Variants in PRKCB observed in about 807,000 individuals in gnomAD.
The protein encoded by PRKCB is protein kinase C beta type.
PRKCB carries 13 observed loss-of-function variants against 81.5 expected under a neutral mutation model. The observed-to-expected ratio is 0.16, with a 90% CI of 0.10 to 0.25. The LOEUF is 0.25. Among genes scored for constraint, PRKCB ranks in the 10% least tolerant of loss-of-function variants. The pLI is 1.00. For synonymous variants in PRKCB, 335 were observed against 321.4 expected (o/e 1.04, Z -0.45); for missense variants, 509 against 875.7 (o/e 0.58, Z 5.29).
chr16:24,021,273 T>G (rs1350332352), intron 3 of PRKCB, among the ~76,000 whole-genome samples: 1 of 132,650 alleles, frequency 7.5e-6, no homozygotes, highest in Non-Finnish European at 1.6e-5. Flanking sequence ...TTTCTTTTTC[T>G]TTCTTTTCTC....
chr16:24,086,630 A>G (rs1182081679), intron 5 of PRKCB, among the ~76,000 whole-genome samples: 1 of 152,238 alleles, frequency 6.6e-6, no homozygotes, highest in African/African-American at 2.4e-5. Context: ...CTGTAAAAGC[A>G]CAACTGAATT....
At chr16:24,045,613 A>AT (rs1022021656) in intron 5 of PRKCB, among the ~76,000 whole-genome samples, 6 of 151,550 alleles carry the variant, frequency 4.0e-5, no homozygotes, top group East Asian at 1.9e-4. Context: ...GTTGAAGCTA[A>AT]TTTTTTTTTC....
At chr16:24,186,569 G>A (rs1967707566) in intron 15 of PRKCB, among the ~76,000 whole-genome samples, 1 of 152,258 alleles carries the variant, frequency 6.6e-6, no homozygotes, top group Non-Finnish European at 1.5e-5. Context: ...GTTCCCACCT[G>A]TGTGTCTGAA....
chr16:23,880,446 TG>T (rs1171662771), intron 2 of PRKCB, among the ~76,000 whole-genome samples: 3 of 152,004 alleles, frequency 2.0e-5, no homozygotes, highest in African/African-American at 7.2e-5. Flanking sequence ...AATCCCGGGA[TG>T]GGTTCTATTA....
At chr16:23,882,022 C>CTTTCTTTCTTTCTCTTTCT (rs1567301134) in intron 2 of PRKCB, among the ~76,000 whole-genome samples, 2 of 57,462 alleles carry the variant, frequency 3.5e-5, no homozygotes, top group East Asian at 4.0e-4. Context: ...TTCTTTCTTT[C>CTTTCTTTCTTTCTCTTTCT]TTCCTTCCTT....
intron 2 of PRKCB, among the ~76,000 whole-genome samples, chr16:23,889,689 T>C (rs1006983461): frequency 1.3e-5 from 2 of 152,240 alleles, no homozygotes; most frequent in African/African-American, 2.4e-5. Context: ...AAAAAATCTT[T>C]GAGTTATGGC....
intron 2 of PRKCB, among the ~76,000 whole-genome samples, chr16:23,900,444 A>G (rs16972972): frequency 0.036 from 5,526 of 152,246 alleles, 171 homozygotes; most frequent in African/African-American, 0.078. Flanking sequence ...CAAAGTTTGA[A>G]ATCCTACAGG....
intron 2 of PRKCB, among the ~76,000 whole-genome samples, chr16:23,855,451 CA>C (rs1962549005): frequency 6.6e-6 from 1 of 151,930 alleles, no homozygotes; most frequent in Non-Finnish European, 1.5e-5. Flanking sequence ...CACAAACAAA[CA>C]AAAAACAAAA....
intron 2 of PRKCB, among the ~76,000 whole-genome samples, chr16:23,845,666 A>G (rs1213600899): frequency 6.6e-6 from 1 of 152,232 alleles, no homozygotes; most frequent in Admixed American, 6.5e-5. Flanking sequence ...GTGACATTCT[A>G]TGGAGAAACC....
chr16:24,171,424 C>T (rs765260623), intron 10 of PRKCB, among the ~76,000 whole-genome samples: 13 of 152,108 alleles, frequency 8.5e-5, no homozygotes, highest in Non-Finnish European at 1.9e-4. Flanking sequence ...AGGTCTTTTA[C>T]GCGCTACTCC....
chr16:23,960,751 C>T (rs1405997340), intron 2 of PRKCB, among the ~76,000 whole-genome samples: 1 of 152,148 alleles, frequency 6.6e-6, no homozygotes, highest in African/African-American at 2.4e-5. Context: ...TATAGGCTTC[C>T]TTCCCTTCAC....
At position 24,154,712 on chromosome 16, in the gene PRKCB, A is replaced by G; in HGVS notation, c.1094A>G (p.Asp365Gly). The G allele has an allele frequency of 6.2e-7, 1 of 1,614,162 alleles. No individual in the cohort carries two copies. Among genetic ancestry groups the G allele is most frequent in the Non-Finnish European group, 8.5e-7 (1 of 1,180,004 alleles). ...ATGCTTTCAGAACGAAAAGGCACAG[A>G]TGAGCTCTATGCTGTGAAGATCCTG... ...KVMLSERKGT[D>G]ELYAVKILKK... Residue 365 changes from aspartate to glycine, a missense_variant, in exon 10 of 17, where the codon GAT becomes GGT. Asp to Gly is a moderately conservative substitution (Grantham distance 94). Around this residue, in one of 6 missense-constraint regions of PRKCB, gnomAD observed 80 missense variants for 89.4 expected, o/e 0.90. Coordinates refer to ENST00000643927, the MANE Select transcript of PRKCB (RefSeq NM_002738.7).
chr16:23,851,152 A>T (rs1484041918), intron 2 of PRKCB, among the ~76,000 whole-genome samples: 1 of 152,122 alleles, frequency 6.6e-6, no homozygotes. Flanking sequence ...CTTTTGCTTA[A>T]TCATTGCCCA....
At chr16:24,032,002 G>A in intron 3 of PRKCB, 134 bp from the exon 4 acceptor site, 1 of 595,568 alleles carries the variant, frequency 1.7e-6, no homozygotes, top group Non-Finnish European at 3.0e-6. Flanking sequence ...CTCCAGCGAT[G>A]GTCCCAACAG....
intron 2 of PRKCB, among the ~76,000 whole-genome samples, chr16:23,852,345 CT>C (rs34689935): frequency 4.0e-5 from 6 of 151,732 alleles, no homozygotes; most frequent in Non-Finnish European, 7.4e-5. Context: ...TTTTCAAGTG[CT>C]TTTTTTTCCT....
chr16:24,126,923 G>A (rs189808524), intron 9 of PRKCB, among the ~76,000 whole-genome samples: 31 of 151,464 alleles, frequency 2.0e-4, no homozygotes, highest in African/African-American at 5.8e-4. Flanking sequence ...TCATCCTGCC[G>A]TGGCCTCAGA....
At chr16:24,192,414 C>A (rs908835105) in intron 16 of PRKCB, among the ~76,000 whole-genome samples, 3 of 152,162 alleles carry the variant, frequency 2.0e-5, no homozygotes, top group Non-Finnish European at 4.4e-5. Context: ...CCCCACATGT[C>A]ATGAGCAGCA....
At chr16:23,887,015 G>A (rs1049153429) in intron 2 of PRKCB, among the ~76,000 whole-genome samples, 5 of 152,194 alleles carry the variant, frequency 3.3e-5, no homozygotes, top group East Asian at 1.9e-4. Context: ...CCTCTGGAAC[G>A]AATCTGTAAA....
intron 3 of PRKCB, among the ~76,000 whole-genome samples, chr16:23,999,744 C>T (rs1965007443): frequency 6.6e-6 from 1 of 152,222 alleles, no homozygotes; most frequent in Non-Finnish European, 1.5e-5. Flanking sequence ...TACACAGCCT[C>T]CTGTGACATC....
Sources: allele counts gnomAD v4.1 joint callset (sites outside exome capture counted in the v4.1 genomes callset), GRCh38; gene constraint gnomAD v4.1.1; regional missense constraint gnomAD v4.1.1; transcripts MANE v1.5; gene names NCBI Gene and HGNC (gene_info 2026-07-23, HGNC 2026-07-21).